SMG6: variants seen among roughly 807,000 people sequenced by gnomAD.
The protein encoded by SMG6 is SMG6 nonsense mediated mRNA decay factor.
SMG6 carries 66 observed loss-of-function variants against 142.2 expected under a neutral mutation model. The ratio of observed to expected loss-of-function variants is 0.46; its 90% CI spans 0.38 to 0.57. SMG6 has a LOEUF of 0.57. Among genes scored for constraint, SMG6 ranks in the 20% least tolerant of loss-of-function variants. SMG6 has a pLI of 0.00. For missense variants in SMG6, 1,793 were observed against 1,832.0 expected (o/e 0.98, Z 0.39); for synonymous variants, 779 against 702.4 (o/e 1.11, Z -1.72).
intron 13 of SMG6, among the ~76,000 whole-genome samples, chr17:2,167,241 A>T (rs1164123808): frequency 1.3e-5 from 2 of 152,006 alleles, no homozygotes; most frequent in Admixed American, 1.3e-4. Context: ...GCAATAGAAG[A>T]CTTAAAACCT....
chr17:2,288,617 C>T (rs1197137313), intron 6 of SMG6, among the ~76,000 whole-genome samples: 1 of 87,118 alleles, frequency 1.1e-5, no homozygotes, highest in African/African-American at 4.0e-5. Context: ...GACCTTCTCT[C>T]AATTAAAAAA....
chr17:2,300,717 G>T (rs1172872469), intron 1 of SMG6, 53 bp from the exon 2 acceptor site: 3 of 1,468,300 alleles, frequency 2.0e-6, no homozygotes, highest in African/African-American at 2.8e-5. Flanking sequence ...TAAGAATAAA[G>T]AAGGAAGATA....
rs148714820 is a variant in SMG6, at chr17:2,255,036, G to C, written c.2662-10317C>G. ...CTCAAAAGTGGTACATTGTAGACTGGCATGGCTAGATGATTGATTCTGTAA... is the reference window on the plus strand; with the variant it reads ...CTCAAAAGTGGTACATTGTAGACTGCCATGGCTAGATGATTGATTCTGTAA... On this transcript the variant is annotated intron_variant, in intron 8 of 18. Transcript: ENST00000263073. 3.7e-3 allele frequency among the ~76,000 whole-genome samples: 568 copies of C among 152,262 alleles called. 1 individual carries two copies. The highest frequency in any genetic ancestry group is 0.013 in the African/African-American group (532 of 41,558).
intron 13 of SMG6, among the ~76,000 whole-genome samples, chr17:2,132,542 A>T (rs2070157671): frequency 6.6e-6 from 1 of 152,162 alleles, no homozygotes; most frequent in South Asian, 2.1e-4. Context: ...TGAAGAGAAA[A>T]TACAAAATTG....
intron 13 of SMG6, among the ~76,000 whole-genome samples, chr17:2,161,171 G>A (rs959533034): frequency 1.1e-4 from 17 of 149,654 alleles, no homozygotes; most frequent in South Asian, 2.1e-4. Flanking sequence ...GCAGGGGCGC[G>A]ATCTTGGCTC....
At chr17:2,096,130 T>C (rs1187078492) in intron 13 of SMG6, among the ~76,000 whole-genome samples, 1 of 152,106 alleles carries the variant, frequency 6.6e-6, no homozygotes, top group Admixed American at 6.6e-5. Flanking sequence ...CTGCCTCAAA[T>C]AACTGGGCTC....
At chr17:2,200,965 T>C (rs777659140) in intron 10 of SMG6, among the ~76,000 whole-genome samples, 2 of 152,190 alleles carry the variant, frequency 1.3e-5, no homozygotes, top group Non-Finnish European at 2.9e-5. Flanking sequence ...TCAACTGCAA[T>C]ACTCTGATAA....
Position 2,090,294 on chromosome 17 carries a change from C to T in SMG6, c.3358-4393G>A, listed in dbSNP as rs191786493. 2.3e-4 allele frequency among the ~76,000 whole-genome samples: 25 copies of T among 107,380 alleles called. 1 individual carries two copies. In the East Asian group the frequency reaches 4.0e-3, roughly 17 times the overall value. The allele number at this position is 107,380 out of a possible 152,430, so 70.4% of individuals were successfully genotyped here. A position where few individuals can be genotyped will look rare whatever the true frequency, so the allele number is the denominator to read the frequency against. ...GCACAGTGTGGGTAGAGATGCCCGGCGGGGGAGGGGGGTTGGGGAGAGAAA... is the reference window on the plus strand; with the variant it reads ...GCACAGTGTGGGTAGAGATGCCCGGTGGGGGAGGGGGGTTGGGGAGAGAAA... On this transcript the variant is annotated intron_variant, in intron 13 of 18. Transcript: ENST00000263073.
intron 13 of SMG6, among the ~76,000 whole-genome samples, chr17:2,139,121 C>T (rs151228010): frequency 6.6e-6 from 1 of 152,310 alleles, no homozygotes; most frequent in African/African-American, 2.4e-5. Context: ...AGTAACTATA[C>T]AGGTGAAGTC....
At chr17:2,229,262 T>C (rs1451298259) in intron 10 of SMG6, 1 of 152,200 alleles carries the variant, frequency 6.6e-6, no homozygotes, top group Non-Finnish European at 1.5e-5. Flanking sequence ...AGCTTATTTG[T>C]TGTAGCCCCA....
At chr17:2,149,535 G>A (rs2070766405) in intron 13 of SMG6, among the ~76,000 whole-genome samples, 1 of 152,116 alleles carries the variant, frequency 6.6e-6, no homozygotes, top group South Asian at 2.1e-4. Flanking sequence ...GACAACACAA[G>A]GAAGAACAGG....
intron 1 of SMG6, 63 bp from the exon 2 acceptor site, chr17:2,300,727 AG>A (rs772305768): frequency 7.0e-7 from 1 of 1,423,882 alleles, no homozygotes. Flanking sequence ...GAAGGAAGAT[AG>A]GGGAAAGACT....
At chr17:2,297,084 T>C (rs754654815) in intron 4 of SMG6, among the ~76,000 whole-genome samples, 159 bp downstream of exon 4, 17 of 151,220 alleles carry the variant, frequency 1.1e-4, no homozygotes, top group Non-Finnish European at 1.8e-4. Flanking sequence ...CCATAGTACA[T>C]ATGACATTAC....
chr17:2,303,624 G>A lies in SMG6; in HGVS notation c.88+9C>T, dbSNP rs1401854634. The A allele has an allele frequency of 2.8e-6, 4 of 1,449,590 alleles. No homozygotes were observed. The highest frequency in any genetic ancestry group is 2.7e-6 in the Non-Finnish European group (3 of 1,105,936). 89.8% of individuals were successfully genotyped at this position (1,449,590 alleles called of 1,614,324 possible). ...AGGCCCGGCCCAGGAGCTGGGCGGCGCGACTCACCTCTGCTCCCGGCCTGC... is the reference window on the plus strand; with the variant it reads ...AGGCCCGGCCCAGGAGCTGGGCGGCACGACTCACCTCTGCTCCCGGCCTGC... On this transcript the variant is annotated intron_variant, in intron 1 of 18. Coordinates refer to ENST00000263073, the MANE Select transcript of SMG6 (RefSeq NM_017575.5).
intron 6 of SMG6, among the ~76,000 whole-genome samples, chr17:2,292,207 G>A (rs904049690): frequency 4.6e-5 from 7 of 152,172 alleles, no homozygotes; most frequent in African/African-American, 1.2e-4. Flanking sequence ...CTTATTTTTC[G>A]TCTAGAATGA....
At chr17:2,272,566 G>A (rs2074562032) in intron 8 of SMG6, among the ~76,000 whole-genome samples, 1 of 152,188 alleles carries the variant, frequency 6.6e-6, no homozygotes, top group South Asian at 2.1e-4. Context: ...CACAAAATTT[G>A]AGTCACCTGA....
In SMG6 at chr17:2,065,459, G is replaced by A. The variant is rs755592052; in HGVS notation, c.4047+9C>T. ...CTGTGGGCTTTCCCTTCCTGCCACA[G>A]GGTCTCACCAGCTGGCCAGTGATGT... On this transcript the variant is annotated intron_variant, in intron 17 of 18. Transcript: ENST00000263073. The A allele has an allele frequency of 2.5e-6, 4 of 1,609,738 alleles. No homozygotes were observed. Among genetic ancestry groups the A allele is most frequent in the Non-Finnish European group, 2.5e-6 (3 of 1,178,888 alleles).
intron 10 of SMG6, chr17:2,200,163 C>T (rs1429214830): frequency 1.3e-5 from 2 of 151,800 alleles, no homozygotes; most frequent in East Asian, 3.9e-4. Context: ...TCAAGTGATC[C>T]ACCCACCTCG....
Position 2,282,696 on chromosome 17 carries a change from C to A in SMG6, c.2612G>T (p.Gly871Val). Residue 871 changes from glycine to valine, a missense_variant, in exon 8 of 19, where the codon GGG becomes GTG. Gly to Val is a moderately radical substitution (Grantham distance 109). Transcript: ENST00000263073. ...HPRSSQGTES[G>V]KDSEQENGLG... ...CCCATTCTCTTGCTCAGAATCCTTC[C>A]CAGACTCAGTGCCCTGGGAAGACCG... 2 of 1,614,088 alleles carry A rather than the reference C, an allele frequency of 1.2e-6. No individual in the cohort carries two copies. The highest frequency in any genetic ancestry group is 1.7e-6 in the Non-Finnish European group (2 of 1,179,974).
Sources: allele counts gnomAD v4.1 joint callset (sites outside exome capture counted in the v4.1 genomes callset), GRCh38; gene constraint gnomAD v4.1.1; transcripts MANE v1.5; gene names NCBI Gene and HGNC (gene_info 2026-07-23, HGNC 2026-07-21).